Variants in TULP3 observed in about 807,000 individuals in gnomAD.
The protein encoded by TULP3 is tubby-related protein 3.
TULP3 carries 38 observed loss-of-function variants against 50.7 expected under a neutral mutation model. That is an observed-to-expected ratio of 0.75 (90% CI 0.58 to 0.98). The LOEUF (loss-of-function observed/expected upper bound fraction) is 0.98. TULP3 is among the 50% of genes least tolerant of loss of function. The pLI is 0.00. For synonymous variants in TULP3, 183 were observed against 196.6 expected, an observed-to-expected ratio of 0.93 and a Z score of 0.58; for missense variants, 550 against 568.0, an observed-to-expected ratio of 0.97 and a Z score of 0.32.
chr12:2,915,547 T>TG (rs944673076), intron 2 of TULP3, among the ~76,000 whole-genome samples: 6 of 150,238 alleles, frequency 4.0e-5, no homozygotes, highest in Non-Finnish European at 7.4e-5. Flanking sequence ...TTTATTTTGT[T>TG]TTTTTTTTTT....
At position 2,939,912 on chromosome 12, in the gene TULP3, T is replaced by C. The variant is rs2153950774; in HGVS notation, c.*468T>C. ...GATGATTTAAAGCACAGGGAGATTCTTGTCACATTGGGGTCTCCAAAGCTA... is the reference window on the plus strand; with the variant it reads ...GATGATTTAAAGCACAGGGAGATTCCTGTCACATTGGGGTCTCCAAAGCTA... On this transcript the variant is annotated 3_prime_UTR_variant, in exon 11 of 11. Coordinates refer to ENST00000448120, the MANE Select transcript of TULP3 (RefSeq NM_003324.5). The surrounding 1 kb of genome is among the most constrained non-coding windows in gnomAD (Gnocchi z 4.0). The C allele has an allele frequency of 8.0e-7, 1 of 1,255,588 alleles. No homozygotes were observed. The highest frequency in any genetic ancestry group is 5.8e-5 in the East Asian group (1 of 17,380). The allele number at this position is 1,255,588 out of a possible 1,614,324, so 77.8% of individuals were successfully genotyped here.
chr12:2,903,591 A>C (rs2098180499), intron 1 of TULP3, among the ~76,000 whole-genome samples: 1 of 152,008 alleles, frequency 6.6e-6, no homozygotes, highest in Non-Finnish European at 1.5e-5. Flanking sequence ...AAAGAAAAAA[A>C]TGAAATTTGC....
Position 2,939,511 on chromosome 12 carries a change from C to T in TULP3, c.*67C>T. On this transcript the variant is annotated 3_prime_UTR_variant, in exon 11 of 11. Coordinates refer to ENST00000448120, the MANE Select transcript of TULP3 (RefSeq NM_003324.5). The surrounding 1 kb of genome is among the most constrained non-coding windows in gnomAD (Gnocchi z 4.0). Reference sequence around the variant, plus strand: ...CAGGAGCAGACAGTGGCCTCCCCTTCCCCTCCCTGCCCCAGGACTTAAAGA... The same window carrying T: ...CAGGAGCAGACAGTGGCCTCCCCTTTCCCTCCCTGCCCCAGGACTTAAAGA... 6.3e-7 allele frequency: 1 copy of T among 1,589,708 alleles called. No individual in the cohort carries two copies. The highest frequency in any genetic ancestry group is 8.5e-7 in the Non-Finnish European group (1 of 1,170,156).
At chr12:2,936,129 G>A (rs999296895) in intron 8 of TULP3, among the ~76,000 whole-genome samples, 2 of 152,092 alleles carry the variant, frequency 1.3e-5, no homozygotes, top group African/African-American at 2.4e-5. Context: ...AATTAGCCAG[G>A]CGTGGTGGCA....
chr12:2,891,007 A>G lies in TULP3; in HGVS notation c.41+19A>G. On this transcript the variant is annotated intron_variant, in intron 1 of 10. Coordinates refer to ENST00000448120, the MANE Select transcript of TULP3 (RefSeq NM_003324.5). ...GCGACAGGTCAGACAGGGCCGTGGC[A>G]GGTCTCCTCCTGAGCGAGGCGGAGG... The G allele has an allele frequency of 6.3e-7, 1 of 1,576,554 alleles. No homozygotes were observed. The highest frequency in any genetic ancestry group is 8.6e-7 in the Non-Finnish European group (1 of 1,162,880).
rs766985872 is a variant in TULP3, at chr12:2,909,513, T to A, written c.42-16T>A. 4.1e-5 allele frequency: 64 copies of A among 1,572,402 alleles called. No homozygotes were observed. The Admixed American group carries it at 1.1e-3, about 28-fold the overall frequency. On this transcript the variant is annotated splice_polypyrimidine_tract_variant and intron_variant, in intron 1 of 10. Coordinates refer to ENST00000448120, the MANE Select transcript of TULP3 (RefSeq NM_003324.5). ...TTCTTTTTATATACTTGCTTTATTT[T>A]TTTTTTTTTTAACAGTGTCTTCCAT...
chr12:2,892,518 C>CTT (rs1264281123), intron 1 of TULP3, among the ~76,000 whole-genome samples: 1 of 149,586 alleles, frequency 6.7e-6, no homozygotes, highest in African/African-American at 2.5e-5. Flanking sequence ...CTTTTCCTTC[C>CTT]TTTTTTTTTT....
intron 1 of TULP3, 72 bp downstream of exon 1, chr12:2,891,060 C>G: frequency 2.1e-6 from 3 of 1,442,180 alleles, no homozygotes; most frequent in Non-Finnish European, 2.7e-6. Context: ...GAGGTCCTCT[C>G]CGGGAGCCCT....
chr12:2,931,943 G>A (rs573238198), intron 6 of TULP3, among the ~76,000 whole-genome samples: 12 of 152,188 alleles, frequency 7.9e-5, no homozygotes, highest in Non-Finnish European at 1.3e-4. Flanking sequence ...TGGGGCTTAG[G>A]GAGTGACTTA....
At position 2,934,484 on chromosome 12, in the gene TULP3, C is replaced by A. The variant is rs767887151; in HGVS notation, c.847C>A (p.Arg283Ser). ...LMGTKFTVYDRGICPMKGRGL... is the reference protein window; with the variant it reads ...LMGTKFTVYDSGICPMKGRGL... Reference sequence around the variant, plus strand: ...GGGGACCAAGTTTACAGTTTATGACCGTGGCATCTGCCCCATGAAGGGCCG... The same window carrying A: ...GGGGACCAAGTTTACAGTTTATGACAGTGGCATCTGCCCCATGAAGGGCCG... The change falls in exon 8 of 11, where the codon CGT becomes AGT. Residue 283 changes from arginine to serine, a missense_variant. Coordinates refer to ENST00000448120, the MANE Select transcript of TULP3 (RefSeq NM_003324.5). 2 of 1,604,154 alleles carry A rather than the reference C, an allele frequency of 1.2e-6. No individual in the cohort carries two copies. Among genetic ancestry groups the A allele is most frequent in the South Asian group, 2.2e-5 (2 of 89,238 alleles).
At chr12:2,892,197 A>G (rs1439639418) in intron 1 of TULP3, among the ~76,000 whole-genome samples, 1 of 152,152 alleles carries the variant, frequency 6.6e-6, no homozygotes, top group Non-Finnish European at 1.5e-5. Flanking sequence ...GGTAAAGAAC[A>G]TGTATTTTCC....
rs1329136695 is a variant in TULP3 at position 2,904,948 on chromosome 12, T to TA, written c.42-4580dup. ...GGCGAAACCCCGTCTCCACTAAAAA[T>TA]ATGGCAGGCACCTGTTATCCCAGCT... On this transcript the variant is annotated intron_variant, in intron 1 of 10. Coordinates refer to ENST00000448120, the MANE Select transcript of TULP3 (RefSeq NM_003324.5). 4.0e-5 allele frequency among the ~76,000 whole-genome samples: 6 copies of TA among 151,664 alleles called. No individual in the cohort carries two copies. The East Asian group carries it at 1.2e-3, about 30-fold the overall frequency.
intron 10 of TULP3, 127 bp downstream of exon 10, chr12:2,938,412 C>A: frequency 1.8e-6 from 2 of 1,140,880 alleles, no homozygotes; most frequent in Non-Finnish European, 2.5e-6. Context: ...GACAGGATTT[C>A]TTTGGAAAGA....
intron 6 of TULP3, among the ~76,000 whole-genome samples, chr12:2,931,703 C>T (rs957195797): frequency 3.9e-5 from 6 of 152,076 alleles, no homozygotes; most frequent in East Asian, 1.9e-4. Flanking sequence ...TTTGAGCCAG[C>T]GATGAACTTT....
At chr12:2,927,772 G>T (rs1434362392) in intron 4 of TULP3, among the ~76,000 whole-genome samples, 2 of 152,224 alleles carry the variant, frequency 1.3e-5, no homozygotes, top group African/African-American at 4.8e-5. Flanking sequence ...GATGTTGAAT[G>T]TGCACAAAAA....
rs371955902 is a variant in TULP3, at chr12:2,938,247, C to T, written c.1157C>T (p.Ala386Val). The change falls in exon 10 of 11, where the codon GCG (alanine) becomes GTG (valine). Residue 386 changes from alanine (A) to valine (V), a missense_variant. Physicochemically the swap from Ala to Val is moderately conservative, Grantham distance 64. Coordinates refer to ENST00000448120, the MANE Select transcript of TULP3 (RefSeq NM_003324.5). ...AACTTCCGTGGCCGGGTCACTCAGGCGTCTGTGAAGAACTTCCAGATAGTC... is the reference window on the plus strand; with the variant it reads ...AACTTCCGTGGCCGGGTCACTCAGGTGTCTGTGAAGAACTTCCAGATAGTC... Reference protein sequence around the residue: ...VLNFRGRVTQASVKNFQIVHK... With the variant: ...VLNFRGRVTQVSVKNFQIVHK... 3.1e-6 allele frequency: 5 copies of T among 1,614,122 alleles called. No homozygotes were observed. The highest frequency in any genetic ancestry group is 2.2e-5 in the South Asian group (2 of 91,074).
chr12:2,937,057 G>A (rs1431052975), intron 8 of TULP3, among the ~76,000 whole-genome samples: 3 of 151,356 alleles, frequency 2.0e-5, no homozygotes, highest in East Asian at 3.9e-4. Context: ...AGTGAGCTGA[G>A]ATTGTGCCAC....
At chr12:2,898,060 A>G (rs976188670) in intron 1 of TULP3, among the ~76,000 whole-genome samples, 2 of 144,956 alleles carry the variant, frequency 1.4e-5, no homozygotes, top group Middle Eastern at 3.4e-3. Context: ...CCTGGGCAAC[A>G]AGAGCGGAAA....
intron 4 of TULP3, among the ~76,000 whole-genome samples, chr12:2,924,217 T>C (rs1397866958): frequency 6.6e-6 from 1 of 152,106 alleles, no homozygotes; most frequent in African/African-American, 2.4e-5. Flanking sequence ...ATATTTGAGC[T>C]AGTGCCTGAC....
Sources: gnomAD v4.1 joint callset for allele counts (sites outside exome capture counted in the v4.1 genomes callset) on GRCh38, gnomAD v4.1.1 for gene constraint, Gnocchi (gnomAD v3.1) non-coding constraint, MANE v1.5 for transcripts, NCBI Gene and HGNC (gene_info 2026-07-23, HGNC 2026-07-21) for gene names.